CHMP2B: variants seen among roughly 807,000 people sequenced by gnomAD.
CHMP2B encodes charged multivesicular body protein 2B, also known as VPS2 homolog B.
Under a neutral mutation model 29.8 loss-of-function variants are expected in CHMP2B, and 22 were observed. The observed-to-expected ratio is 0.74, with a 90% CI of 0.53 to 1.05. The LOEUF (loss-of-function observed/expected upper bound fraction) is 1.05. CHMP2B is among the 50% of genes least tolerant of loss of function. The pLI is 0.00. For missense variants in CHMP2B, 261 were observed against 252.2 expected, an observed-to-expected ratio of 1.03 and a Z score of -0.24; for synonymous variants, 78 against 75.8, an observed-to-expected ratio of 1.03 and a Z score of -0.15.
In CHMP2B at chr3:87,254,516, A is replaced by G. The variant is rs1394315755; in HGVS notation, c.*694A>G. 1 of 152,206 alleles carries G rather than the reference A, an allele frequency of 6.6e-6. No individual in the cohort carries two copies. The highest frequency in any genetic ancestry group is 2.4e-5 in the African/African-American group (1 of 41,276). The allele number at this position is 152,206 out of a possible 1,614,324, so 9.4% of individuals were successfully genotyped here. A position where few individuals can be genotyped will look rare whatever the true frequency, so the allele number is the denominator to read the frequency against. On this transcript the variant is annotated 3_prime_UTR_variant, in exon 6 of 6. Transcript: ENST00000263780. ...AAACTGAAATCAAGGCCTCAATACA[A>G]AGATTATCCTGGCTCTTTTCTATCT...
intron 2 of CHMP2B, among the ~76,000 whole-genome samples, 200 bp downstream of exon 2, chr3:87,240,990 G>A (rs1706107865): frequency 6.6e-6 from 1 of 152,134 alleles, no homozygotes; most frequent in African/African-American, 2.4e-5. Flanking sequence ...GGGATTCTGT[G>A]TATTCTGTTG....
chr3:87,249,331 T>A (rs1024075554), intron 3 of CHMP2B, among the ~76,000 whole-genome samples: 2 of 152,138 alleles, frequency 1.3e-5, no homozygotes, highest in African/African-American at 4.8e-5. Flanking sequence ...AGAACATGAA[T>A]CTCTTAATGA....
At chr3:87,248,418 C>T (rs1479602312) in intron 3 of CHMP2B, among the ~76,000 whole-genome samples, 1 of 151,424 alleles carries the variant, frequency 6.6e-6, no homozygotes, top group Non-Finnish European at 1.5e-5. Flanking sequence ...AGTGCAATGG[C>T]GTGATCTTGG....
intron 2 of CHMP2B, among the ~76,000 whole-genome samples, chr3:87,242,678 A>C (rs1318031259): frequency 6.6e-6 from 1 of 152,118 alleles, no homozygotes; most frequent in Non-Finnish European, 1.5e-5. Context: ...CACTTTTTGC[A>C]TATGGAAAGT....
chr3:87,253,655 A>T, intron 5 of CHMP2B, 57 bp from the exon 6 acceptor site: 1 of 1,466,886 alleles, frequency 6.8e-7, no homozygotes, highest in Non-Finnish European at 9.5e-7. Context: ...CACATCCTGT[A>T]TGTCCTAGTC....
intron 1 of CHMP2B, among the ~76,000 whole-genome samples, chr3:87,237,223 C>A (rs374654570): frequency 6.6e-6 from 1 of 152,090 alleles, no homozygotes; most frequent in Non-Finnish European, 1.5e-5. Context: ...AATTGTCCCC[C>A]CTGCCTCCCA....
At position 87,253,795 on chromosome 3, in the gene CHMP2B, G is replaced by T; in HGVS notation, c.615G>T (p.Arg205=). 1 of 1,611,890 alleles carries T rather than the reference G, an allele frequency of 6.2e-7. No individual in the cohort carries two copies. The highest frequency in any genetic ancestry group is 8.5e-7 in the Non-Finnish European group (1 of 1,178,406). ...KATISDEEIE[R]QLKALGVD ...CAATCTCAGATGAAGAGATTGAACG[G>T]CAACTCAAGGCTTTAGGAGTAGATT... Residue 205 remains arginine (R), a synonymous_variant, in exon 6 of 6, where the codon CGG becomes CGT. Transcript: ENST00000263780.
intron 1 of CHMP2B, among the ~76,000 whole-genome samples, chr3:87,231,264 A>G (rs371169704): frequency 6.5e-4 from 99 of 152,262 alleles, no homozygotes; most frequent in African/African-American, 2.3e-3. Context: ...AGAACTCATC[A>G]TCATATCCTT....
intron 2 of CHMP2B, among the ~76,000 whole-genome samples, chr3:87,241,680 A>G (rs1268374620): frequency 6.6e-6 from 1 of 152,140 alleles, no homozygotes; most frequent in East Asian, 1.9e-4. Context: ...TTGTTTGAAT[A>G]TTTCACAATT....
chr3:87,230,876 G>A (rs1335386166), intron 1 of CHMP2B, among the ~76,000 whole-genome samples: 1 of 152,004 alleles, frequency 6.6e-6, no homozygotes, highest in Non-Finnish European at 1.5e-5. Context: ...CCTATGTTTT[G>A]CATTTGATCC....
intron 1 of CHMP2B, among the ~76,000 whole-genome samples, chr3:87,236,395 A>G (rs557564256): frequency 2.6e-5 from 4 of 152,110 alleles, no homozygotes; most frequent in Non-Finnish European, 2.9e-5. Context: ...CCACATTTAT[A>G]TTTTTAATAT....
chr3:87,236,998 T>G (rs1427731739), intron 1 of CHMP2B, among the ~76,000 whole-genome samples: 1 of 152,202 alleles, frequency 6.6e-6, no homozygotes, highest in African/African-American at 2.4e-5. Flanking sequence ...AGAGCACATT[T>G]TCTATGGAAA....
At position 87,235,845 on chromosome 3, in the gene CHMP2B, A is replaced by AT. The variant is rs201948715; in HGVS notation, c.35-4852dup. Among the ~76,000 whole-genome samples the AT allele has an allele frequency of 9.1e-4, 138 of 152,292 alleles. 1 individual carries two copies. The East Asian group carries it at 0.023, about 25-fold the overall frequency. Reference sequence around the variant, plus strand: ...TTCAGATGCCACTTGAAAGACGCAGATTGTGCTTCTGGTGAGTACTTCTGA... The same window carrying AT: ...TTCAGATGCCACTTGAAAGACGCAGATTTGTGCTTCTGGTGAGTACTTCTGA... On this transcript the variant is annotated intron_variant, in intron 1 of 5. Coordinates refer to ENST00000263780, the MANE Select transcript of CHMP2B (RefSeq NM_014043.4).
At chr3:87,252,699 A>C (rs1034784302) in intron 4 of CHMP2B, among the ~76,000 whole-genome samples, 1 of 151,840 alleles carries the variant, frequency 6.6e-6, no homozygotes, top group African/African-American at 2.4e-5. Context: ...CTATATACCC[A>C]TTGTATTTAT....
intron 1 of CHMP2B, among the ~76,000 whole-genome samples, chr3:87,238,891 C>T (rs902724749): frequency 6.6e-6 from 1 of 152,138 alleles, no homozygotes; most frequent in African/African-American, 2.4e-5. Context: ...GTAACCAAAC[C>T]ATTTTACATT....
chr3:87,249,608 G>C lies in CHMP2B; in HGVS notation c.322-267G>C, dbSNP rs78033880. 5.9e-3 allele frequency among the ~76,000 whole-genome samples: 895 copies of C among 152,050 alleles called. 24 individuals carry two copies. The East Asian group carries it at 0.081, about 14-fold the overall frequency. ...CTATTTGAATAGCAAAGGATTTTATGCTGATAATGTTTTTTATTACATAAT... is the reference window on the plus strand; with the variant it reads ...CTATTTGAATAGCAAAGGATTTTATCCTGATAATGTTTTTTATTACATAAT... On this transcript the variant is annotated intron_variant, in intron 3 of 5. Transcript: ENST00000263780.
intron 3 of CHMP2B, among the ~76,000 whole-genome samples, chr3:87,248,234 G>T (rs1215771479): frequency 6.6e-6 from 1 of 151,744 alleles, no homozygotes; most frequent in African/African-American, 2.4e-5. Context: ...AGAGGCAGAG[G>T]TTGCAGTGAG....
chr3:87,238,752 T>C (rs1706062851), intron 1 of CHMP2B, among the ~76,000 whole-genome samples: 1 of 152,196 alleles, frequency 6.6e-6, no homozygotes, highest in Non-Finnish European at 1.5e-5. Flanking sequence ...TTACTAATGC[T>C]GTGAACATTC....
intron 2 of CHMP2B, among the ~76,000 whole-genome samples, chr3:87,244,376 C>T (rs1369542782): frequency 6.6e-6 from 1 of 151,280 alleles, no homozygotes; most frequent in Non-Finnish European, 1.5e-5. Flanking sequence ...TTTTGTTTAT[C>T]TTATTTCCCT....
Sources: gnomAD v4.1 joint callset for allele counts (sites outside exome capture counted in the v4.1 genomes callset) on GRCh38, gnomAD v4.1.1 for gene constraint, MANE v1.5 for transcripts, NCBI Gene and HGNC (gene_info 2026-07-23, HGNC 2026-07-21) for gene names.